The following ZNF280D variants were observed in gnomAD, a reference collection of about 807,000 sequenced individuals.
The protein encoded by ZNF280D is suppressor of hairy wing homolog 4.
A neutral mutation model predicts 94.7 loss-of-function variants in ZNF280D; 39 were observed. The ratio of observed to expected loss-of-function variants is 0.41; its 90% CI spans 0.32 to 0.54. ZNF280D has a LOEUF of 0.54. ZNF280D is among the 20% of genes least tolerant of loss of function. The probability of loss-of-function intolerance (pLI) is 0.22; values close to 1 mark genes in which losing one functional copy is unlikely to be tolerated. For missense variants in ZNF280D, 1,090 were observed against 1,149.3 expected, an observed-to-expected ratio of 0.95 and a Z score of 0.75; for synonymous variants, 398 against 377.6, an observed-to-expected ratio of 1.05 and a Z score of -0.63.
chr15:56,726,041 G>T (rs1260924148), intron 1 of ZNF280D, among the ~76,000 whole-genome samples: 3 of 151,990 alleles, frequency 2.0e-5, no homozygotes, highest in African/African-American at 7.2e-5. Flanking sequence ...GATGTGCCAG[G>T]GTTCCAATTA....
At chr15:56,723,776 T>A (rs2058494158) in intron 1 of ZNF280D, among the ~76,000 whole-genome samples, 1 of 152,232 alleles carries the variant, frequency 6.6e-6, no homozygotes, top group Admixed American at 6.5e-5. Flanking sequence ...ATAGATTTAC[T>A]TTATAAGATT....
At chr15:56,709,010 G>A (rs1482202576) in intron 1 of ZNF280D, among the ~76,000 whole-genome samples, 2 of 152,080 alleles carry the variant, frequency 1.3e-5, no homozygotes, top group African/African-American at 2.4e-5. Flanking sequence ...TGACAAATGG[G>A]ATCTAATTAA....
chr15:56,675,567 T>C lies in ZNF280D; in HGVS notation c.1410+1103A>G, dbSNP rs191025294. Reference sequence around the variant, plus strand: ...ACTTGAGAGATTTACAGGTAATTCTTACTATATGTAATTTACTATATGTAA... The same window carrying C: ...ACTTGAGAGATTTACAGGTAATTCTCACTATATGTAATTTACTATATGTAA... On this transcript the variant is annotated intron_variant, in intron 13 of 21. Transcript: ENST00000267807. Among the ~76,000 whole-genome samples the C allele has an allele frequency of 2.2e-3, 337 of 152,120 alleles. 1 individual carries two copies. The highest frequency in any genetic ancestry group is 0.012 in the South Asian group (57 of 4,828).
At chr15:56,730,487 T>A (rs2058832334) in intron 1 of ZNF280D, 1 of 152,190 alleles carries the variant, frequency 6.6e-6, no homozygotes. Flanking sequence ...AATAGAACAC[T>A]GGAATGAAAA....
chr15:56,683,741 T>C (rs2055804265), intron 9 of ZNF280D, among the ~76,000 whole-genome samples: 2 of 152,098 alleles, frequency 1.3e-5, no homozygotes, highest in African/African-American at 4.8e-5. Context: ...CCAACATCAG[T>C]CAACATTTTC....
rs145499685 is a variant in ZNF280D, at chr15:56,712,730, T to C, written c.-85-5424A>G. On this transcript the variant is annotated intron_variant, in intron 1 of 21. Coordinates refer to ENST00000267807, the MANE Select transcript of ZNF280D (RefSeq NM_017661.4). ...AACACAAAAGTGATTATGAGGAACA[T>C]GGTGAATGGCTTTTTTTTTTTTTTT... Among the ~76,000 whole-genome samples, 243 of 144,764 alleles carry C rather than the reference T, an allele frequency of 1.7e-3. 1 individual carries two copies. The highest frequency in any genetic ancestry group is 5.7e-3 in the African/African-American group (227 of 39,756). 95.0% of individuals were successfully genotyped at this position (144,764 alleles called of 152,430 possible). A position where few individuals can be genotyped will look rare whatever the true frequency, so the allele number is the denominator to read the frequency against.
chr15:56,704,377 AT>A, intron 3 of ZNF280D, 110 bp from the exon 4 acceptor site: 5 of 1,056,120 alleles, frequency 4.7e-6, no homozygotes, highest in Non-Finnish European at 5.4e-6. Flanking sequence ...CTTAATAGCA[AT>A]TTCTGAATTG....
At chr15:56,695,703 T>C (rs2056709706) in intron 6 of ZNF280D, among the ~76,000 whole-genome samples, 1 of 151,862 alleles carries the variant, frequency 6.6e-6, no homozygotes, top group Non-Finnish European at 1.5e-5. Flanking sequence ...CTAATTTTCG[T>C]ATTTTTAATA....
At chr15:56,716,141 G>A (rs2058031528) in intron 1 of ZNF280D, among the ~76,000 whole-genome samples, 1 of 152,068 alleles carries the variant, frequency 6.6e-6, no homozygotes, top group South Asian at 2.1e-4. Context: ...CAGCTGTACT[G>A]ATTGAACATT....
At chr15:56,677,489 G>T in intron 12 of ZNF280D, 85 bp downstream of exon 12, 2 of 913,314 alleles carry the variant, frequency 2.2e-6, no homozygotes, top group South Asian at 1.4e-5. Context: ...TAAGTTTGCT[G>T]ACCGCTGGTC....
intron 13 of ZNF280D, among the ~76,000 whole-genome samples, chr15:56,671,953 G>C (rs995585435): frequency 1.3e-5 from 2 of 152,036 alleles, no homozygotes; most frequent in African/African-American, 4.8e-5. Flanking sequence ...TTGTGAAGGG[G>C]AGTTCATTCA....
At chr15:56,728,811 A>G (rs2141499810) in intron 1 of ZNF280D, among the ~76,000 whole-genome samples, 1 of 152,334 alleles carries the variant, frequency 6.6e-6, no homozygotes, top group East Asian at 1.9e-4. Context: ...TACAGTACTC[A>G]ATAAATTACA....
rs1596591862 is a variant in ZNF280D, at chr15:56,706,982, T to C, written c.28+100A>G. The C allele has an allele frequency of 3.5e-6, 4 of 1,135,304 alleles. No individual in the cohort carries two copies. The Admixed American group carries it at 5.7e-5, about 16-fold the overall frequency. 70.3% of individuals were successfully genotyped at this position (1,135,304 alleles called of 1,614,324 possible). On this transcript the variant is annotated intron_variant, in intron 3 of 21. Transcript: ENST00000267807. ...GTTACTTTAACAATTTTAAGCATTT[T>C]TGTTTTTTAAAAAATGTCTCCCAAC...
At chr15:56,655,440 T>A (rs2053484745) in intron 17 of ZNF280D, among the ~76,000 whole-genome samples, 1 of 15,336 alleles carries the variant, frequency 6.5e-5, no homozygotes, top group Non-Finnish European at 1.3e-4. Flanking sequence ...ACTCCTGACC[T>A]TGTGATCAGC....
At chr15:56,724,486 C>G (rs2058534303) in intron 1 of ZNF280D, among the ~76,000 whole-genome samples, 1 of 151,992 alleles carries the variant, frequency 6.6e-6, no homozygotes, top group Non-Finnish European at 1.5e-5. Context: ...TTGTATAGCC[C>G]AAATAGAAGA....
At chr15:56,692,565 G>A (rs1220705791) in intron 7 of ZNF280D, among the ~76,000 whole-genome samples, 1 of 152,084 alleles carries the variant, frequency 6.6e-6, no homozygotes, top group African/African-American at 2.4e-5. Flanking sequence ...AACAGGGAAA[G>A]TTCACTAATC....
At chr15:56,654,137 A>T (rs2053380678) in intron 19 of ZNF280D, 61 bp downstream of exon 19, 1 of 1,567,452 alleles carries the variant, frequency 6.4e-7, no homozygotes, top group African/African-American at 1.4e-5. Context: ...TGATACATTT[A>T]AAAATGCAAT....
intron 6 of ZNF280D, among the ~76,000 whole-genome samples, chr15:56,695,784 T>A (rs1318763529): frequency 3.3e-5 from 5 of 152,082 alleles, no homozygotes; most frequent in Non-Finnish European, 7.4e-5. Flanking sequence ...CACTTTAGCC[T>A]CCCAAAGTGC....
At position 56,631,853 on chromosome 15, in the gene ZNF280D, A is replaced by G; in HGVS notation, c.2585T>C (p.Leu862Ser). The G allele has an allele frequency of 1.9e-6, 3 of 1,613,900 alleles. No homozygotes were observed. The highest frequency in any genetic ancestry group is 2.5e-6 in the Non-Finnish European group (3 of 1,180,018). The change falls in exon 22 of 22, where the codon TTA (leucine) becomes TCA (serine). Residue 862 changes from leucine (L) to serine (S), a missense_variant. Physicochemically the swap from Leu to Ser is moderately radical, Grantham distance 145. Transcript: ENST00000267807. ...GTTGTGATCTTTAATCTGATCAGAT[A>G]AGATTATGTTTTCTGAACTTTGGCA... is the stretch of plus-strand genomic sequence containing the variant. The part of the protein sequence containing the change: ...KMCQSSENII[L>S]SDQIKDHNSS...
Sources: allele counts gnomAD v4.1 joint callset (sites outside exome capture counted in the v4.1 genomes callset), GRCh38; gene constraint gnomAD v4.1.1; transcripts MANE v1.5; gene names NCBI Gene and HGNC (gene_info 2026-07-23, HGNC 2026-07-21).